The following CPSF2 variants were observed in gnomAD, a reference collection of about 807,000 sequenced individuals.
The protein encoded by CPSF2 is cleavage and polyadenylation specific factor 2.
A neutral mutation model predicts 84.2 loss-of-function variants in CPSF2; 51 were observed. That is an observed-to-expected ratio of 0.61 (90% CI 0.48 to 0.77). CPSF2 has a LOEUF of 0.77. CPSF2 is among the 30% of genes least tolerant of loss of function. CPSF2 has a pLI of 0.00. For missense variants in CPSF2, 641 were observed against 929.4 expected (o/e 0.69, Z 4.03); for synonymous variants, 286 against 311.9 (o/e 0.92, Z 0.87).
rs753764379 is a variant in CPSF2 at position 92,158,982 on chromosome 14, G to A, written c.1822-1G>A. 3.1e-6 allele frequency: 5 copies of A among 1,607,608 alleles called. No homozygotes were observed. The highest frequency in any genetic ancestry group is 4.3e-6 in the Non-Finnish European group (5 of 1,176,262). On this transcript the variant is annotated splice_acceptor_variant, in intron 13 of 15. Coordinates refer to ENST00000298875, the MANE Select transcript of CPSF2 (RefSeq NM_017437.3). LOFTEE classifies it high-confidence loss of function. ...TCTCTCCCCCTCCTTTGCATGTCTA[G>A]GTGAGGTTAAAAGACTCACTTGTCA... is the stretch of plus-strand genomic sequence containing the variant.
At chr14:92,138,716 C>T (rs1431854650) in intron 7 of CPSF2, among the ~76,000 whole-genome samples, 1 of 152,184 alleles carries the variant, frequency 6.6e-6, no homozygotes, top group East Asian at 1.9e-4. Flanking sequence ...AGGCATGAGC[C>T]ACCACGCCCG....
At position 92,157,235 on chromosome 14, in the gene CPSF2, C is replaced by T. The variant is rs1015029822; in HGVS notation, c.1596-424C>T. 8.5e-5 allele frequency among the ~76,000 whole-genome samples: 13 copies of T among 152,072 alleles called. No homozygotes were observed. Among genetic ancestry groups the T allele is most frequent in the African/African-American group, 2.2e-4 (9 of 41,402 alleles). Reference sequence around the variant, plus strand: ...TAAATAATACAGATAGGGCCGGGCACGGTGGCTGATGCCTGTAATCCCAGC... The same window carrying T: ...TAAATAATACAGATAGGGCCGGGCATGGTGGCTGATGCCTGTAATCCCAGC... On this transcript the variant is annotated intron_variant, in intron 12 of 15. Transcript: ENST00000298875. The surrounding 1 kb of genome is among the most constrained non-coding windows in gnomAD (Gnocchi z 4.0).
chr14:92,151,089 C>A (rs2069209507), intron 9 of CPSF2, among the ~76,000 whole-genome samples: 1 of 151,960 alleles, frequency 6.6e-6, no homozygotes, highest in African/African-American at 2.4e-5. Context: ...ATTAAAAGAT[C>A]CATTCAAAAT....
intron 13 of CPSF2, among the ~76,000 whole-genome samples, chr14:92,158,249 A>G (rs949873619): frequency 6.6e-6 from 1 of 152,162 alleles, no homozygotes; most frequent in African/African-American, 2.4e-5. Flanking sequence ...CCATATTTGC[A>G]AAAGTACAGA....
intron 9 of CPSF2, among the ~76,000 whole-genome samples, chr14:92,143,556 A>G (rs1277979860): frequency 5.3e-5 from 8 of 151,656 alleles, no homozygotes. Flanking sequence ...AAAAAAAACT[A>G]CTGTGGAAGA....
intron 9 of CPSF2, among the ~76,000 whole-genome samples, chr14:92,149,242 C>G (rs1055615227): frequency 1.3e-5 from 2 of 152,120 alleles, no homozygotes; most frequent in African/African-American, 4.8e-5. Context: ...CATTTTTCAC[C>G]ACCGTACATA....
At position 92,161,699 on chromosome 14, in the gene CPSF2, T is replaced by C. The variant is rs1938623069; in HGVS notation, c.2304T>C (p.Phe768=). The change falls in exon 16 of 16, where the codon TTT becomes TTC. Residue 768 remains phenylalanine (F), a synonymous_variant. Coordinates refer to ENST00000298875, the MANE Select transcript of CPSF2 (RefSeq NM_017437.3). ...IGLEGCLCQD[F]YRIRDLLYEQ... The stretch of plus-strand genomic sequence containing the variant: ...TAGAAGGCTGCCTTTGTCAAGATTT[T>C]TATAGGATAAGAGACCTTTTATATG... 1.3e-6 allele frequency: 2 copies of C among 1,595,322 alleles called. No homozygotes were observed. The highest frequency in any genetic ancestry group is 1.4e-5 in the African/African-American group (1 of 73,498).
At chr14:92,140,815 G>A (rs2069068534) in intron 7 of CPSF2, among the ~76,000 whole-genome samples, 1 of 152,016 alleles carries the variant, frequency 6.6e-6, no homozygotes, top group African/African-American at 2.4e-5. Flanking sequence ...TTGGGAGGCT[G>A]GGGTGGGAGG....
chr14:92,131,823 G>T (rs1043001699), intron 3 of CPSF2, among the ~76,000 whole-genome samples: 1 of 151,202 alleles, frequency 6.6e-6, no homozygotes, highest in Non-Finnish European at 1.5e-5. Context: ...TGGGCGCAAA[G>T]CAAGACTCTG....
intron 1 of CPSF2, among the ~76,000 whole-genome samples, chr14:92,123,858 G>A (rs2068812088): frequency 1.3e-5 from 2 of 152,148 alleles, no homozygotes; most frequent in African/African-American, 4.8e-5. Context: ...AGTTGGTATT[G>A]GATATACAAA....
At chr14:92,123,115 T>A (rs2068798512) in intron 1 of CPSF2, among the ~76,000 whole-genome samples, 1 of 152,142 alleles carries the variant, frequency 6.6e-6, no homozygotes, top group South Asian at 2.1e-4. Flanking sequence ...TTAGTTGTCA[T>A]CAACATGCAC....
rs1567016838 is a variant in CPSF2 at position 92,131,141 on chromosome 14, A to G, written c.149+8A>G. ...TATTGATTCCCTGAGGAAGTAAGTT[A>G]CATTTCATAATTCTATGTTTTTATT... On this transcript the variant is annotated splice_region_variant and intron_variant, in intron 3 of 15. Coordinates refer to ENST00000298875, the MANE Select transcript of CPSF2 (RefSeq NM_017437.3). The G allele has an allele frequency of 3.8e-6, 6 of 1,590,432 alleles. No homozygotes were observed. Among genetic ancestry groups the G allele is most frequent in the Non-Finnish European group, 5.1e-6 (6 of 1,167,424 alleles).
At chr14:92,137,526 G>T (rs535305337) in intron 6 of CPSF2, among the ~76,000 whole-genome samples, 6 of 152,102 alleles carry the variant, frequency 3.9e-5, no homozygotes, top group Non-Finnish European at 8.8e-5. Flanking sequence ...TTTTTAAATG[G>T]TGATTTTCTT....
At chr14:92,132,480 A>G (rs1250828225) in intron 3 of CPSF2, among the ~76,000 whole-genome samples, 1 of 151,798 alleles carries the variant, frequency 6.6e-6, no homozygotes. Context: ...AACTTAAATT[A>G]ATAGTTTGCG....
chr14:92,123,694 C>G (rs1206897737), intron 1 of CPSF2, among the ~76,000 whole-genome samples: 2 of 152,204 alleles, frequency 1.3e-5, no homozygotes. Flanking sequence ...CCACTGCGCC[C>G]GGCAACATGC....
At chr14:92,140,473 G>A (rs544477990) in intron 7 of CPSF2, among the ~76,000 whole-genome samples, 81 of 140,658 alleles carry the variant, frequency 5.8e-4, no homozygotes, top group African/African-American at 2.0e-3. Flanking sequence ...TCGCTCTGTC[G>A]CCAGGCTGGA....
chr14:92,159,737 A>G (rs2141483473), intron 14 of CPSF2, among the ~76,000 whole-genome samples: 1 of 152,212 alleles, frequency 6.6e-6, no homozygotes, highest in African/African-American at 2.4e-5. Context: ...TTTAAAAAAG[A>G]GAACTTGTGA....
intron 9 of CPSF2, among the ~76,000 whole-genome samples, chr14:92,150,126 A>ATT (rs34334559): frequency 0.5 from 74,457 of 147,674 alleles, 20,110 homozygotes; most frequent in East Asian, 0.97. Flanking sequence ...TTTTGTTGGT[A>ATT]TTTTTTTTTT....
At chr14:92,148,386 C>G (rs1189774315) in intron 9 of CPSF2, among the ~76,000 whole-genome samples, 7 of 152,102 alleles carry the variant, frequency 4.6e-5, no homozygotes, top group Non-Finnish European at 1.0e-4. Flanking sequence ...AGGGCAATCT[C>G]CAGCAAAACT....
Sources: allele counts gnomAD v4.1 joint callset (sites outside exome capture counted in the v4.1 genomes callset), GRCh38; gene constraint gnomAD v4.1.1; non-coding constraint Gnocchi (gnomAD v3.1); transcripts MANE v1.5; gene names NCBI Gene and HGNC (gene_info 2026-07-23, HGNC 2026-07-21).